SLC5A11: variants seen among roughly 807,000 people sequenced by gnomAD.
SLC5A11 encodes solute carrier family 5 member 11.
Under a neutral mutation model 69.8 loss-of-function variants are expected in SLC5A11, and 48 were observed. The ratio of observed to expected loss-of-function variants is 0.69; its 90% CI spans 0.55 to 0.87. The LOEUF is 0.87. Among genes scored for constraint, SLC5A11 ranks in the 40% least tolerant of loss-of-function variants. The pLI, the probability that SLC5A11 is intolerant of heterozygous loss-of-function variation, is 0.00. For missense variants in SLC5A11, 784 were observed against 866.1 expected, an observed-to-expected ratio of 0.91 and a Z score of 1.19; for synonymous variants, 319 against 342.4, an observed-to-expected ratio of 0.93 and a Z score of 0.75.
At chr16:24,906,895 A>T in intron 11 of SLC5A11, 130 bp from the exon 13 acceptor site, 1 of 1,435,644 alleles carries the variant, frequency 7.0e-7, no homozygotes, top group South Asian at 1.3e-5. Flanking sequence ...CTCCCCAAGA[A>T]AGGCTACGTC....
chr16:24,863,357 C>T lies in SLC5A11; in HGVS notation c.207+685C>T, dbSNP rs148800526. On this transcript the variant is annotated intron_variant, in intron 3 of 15. Coordinates refer to ENST00000347898, the Ensembl canonical transcript of SLC5A11. Reference sequence around the variant, plus strand: ...TGGGACCTCATTTTCTCCCTATTCTCTTTCATCATTCAGTGGCCTAGCCCA... The same window carrying T: ...TGGGACCTCATTTTCTCCCTATTCTTTTTCATCATTCAGTGGCCTAGCCCA... Among the ~76,000 whole-genome samples, 1,101 of 152,108 alleles carry T rather than the reference C, an allele frequency of 7.2e-3. 9 individuals carry two copies. The highest frequency in any genetic ancestry group is 0.011 in the Non-Finnish European group (732 of 67,998).
intron 8 of SLC5A11, among the ~76,000 whole-genome samples, chr16:24,887,785 G>T (rs910640345): frequency 4.0e-5 from 6 of 151,892 alleles, no homozygotes; most frequent in Non-Finnish European, 7.4e-5. Context: ...TTTATATTTT[G>T]GGTTAAGAAA....
At chr16:24,846,569 A>T (rs1349945511) in intron 1 of SLC5A11, 131 bp downstream of exon 2, 1 of 152,344 alleles carries the variant, frequency 6.6e-6, no homozygotes, top group Non-Finnish European at 1.5e-5. Context: ...TCTGCAGAGA[A>T]AGCTTGTCAT....
At chr16:24,877,221 G>T (rs532747268) in intron 6 of SLC5A11, 37 bp from the exon 8 acceptor site, 2 of 1,608,682 alleles carry the variant, frequency 1.2e-6, no homozygotes, top group Non-Finnish European at 1.7e-6. Flanking sequence ...TCATTCATTC[G>T]TTCATTTGTT....
intron 3 of SLC5A11, among the ~76,000 whole-genome samples, chr16:24,863,027 T>C (rs1158054741): frequency 7.2e-6 from 1 of 138,090 alleles, no homozygotes; most frequent in African/African-American, 2.6e-5. Context: ...TTATATAATA[T>C]ATAATTTATA....
chr16:24,874,174 T>C (rs62032817), intron 5 of SLC5A11, among the ~76,000 whole-genome samples: 17,658 of 152,204 alleles, frequency 0.12, 1,023 homozygotes, highest in Non-Finnish European at 0.13. Context: ...TTAATTTTCA[T>C]TGCTATGCGG....
At chr16:24,857,292 A>T (rs956856994) in intron 1 of SLC5A11, among the ~76,000 whole-genome samples, 7 of 152,220 alleles carry the variant, frequency 4.6e-5, no homozygotes, top group African/African-American at 1.7e-4. Context: ...CCAAAGGCCA[A>T]CAGAGTGGAG....
At chr16:24,895,334 C>T (rs1196167359) in intron 9 of SLC5A11, among the ~76,000 whole-genome samples, 1 of 150,836 alleles carries the variant, frequency 6.6e-6, no homozygotes, top group Non-Finnish European at 1.5e-5. Context: ...ACTAAAAATA[C>T]AAAAATTAGC....
intron 9 of SLC5A11, among the ~76,000 whole-genome samples, chr16:24,891,427 A>G (rs979985201): frequency 6.7e-6 from 1 of 148,392 alleles, no homozygotes; most frequent in Non-Finnish European, 1.5e-5. Flanking sequence ...AGATCCTCCC[A>G]TGTCAGCCTC....
intron 3 of SLC5A11, among the ~76,000 whole-genome samples, chr16:24,868,395 C>T (rs975140673): frequency 9.9e-5 from 15 of 150,762 alleles, no homozygotes; most frequent in Admixed American, 5.3e-4. Context: ...CCCAGACCAT[C>T]CTGGCGAACA....
Position 24,875,571 on chromosome 16 carries a change from G to T in SLC5A11, c.373-56G>T, listed in dbSNP as rs981727030. ...CAGATGGGAAGGGCTTGTGTGGGGG[G>T]GTCACGTGCTGGTGGTGAAGTCCGC... On this transcript the variant is annotated intron_variant, in intron 5 of 15. Transcript: ENST00000347898. 5 of 1,406,612 alleles carry T rather than the reference G, an allele frequency of 3.6e-6. No homozygotes were observed. In the African/African-American group the frequency reaches 5.8e-5, roughly 16 times the overall value. 87.1% of individuals were successfully genotyped at this position (1,406,612 alleles called of 1,614,324 possible).
At chr16:24,884,125 G>C (rs753401374) in exon 8 of SLC5A11, 1 of 1,614,044 alleles carries the variant, frequency 6.2e-7, no homozygotes, top group South Asian at 1.1e-5. Flanking sequence ...CACCTTGATG[G>C]GCTACAGTAA....
chr16:24,869,767 C>T, intron 3 of SLC5A11, 134 bp from the exon 5 acceptor site: 1 of 610,520 alleles, frequency 1.6e-6, no homozygotes, highest in Non-Finnish European at 2.9e-6. Context: ...AACAAAAATG[C>T]CAGATAGGCT....
At chr16:24,856,597 C>CAAAAA (rs35867622) in intron 1 of SLC5A11, among the ~76,000 whole-genome samples, 87 of 88,718 alleles carry the variant, frequency 9.8e-4, no homozygotes, top group African/African-American at 9.9e-4. Flanking sequence ...ACTAAAAATA[C>CAAAAA]AAAAAAAAAA....
At chr16:24,880,276 A>G (rs1361320018) in intron 7 of SLC5A11, among the ~76,000 whole-genome samples, 1 of 152,196 alleles carries the variant, frequency 6.6e-6, no homozygotes, top group Non-Finnish European at 1.5e-5. Flanking sequence ...AGGGGAAGTA[A>G]GCACGTCCTA....
intron 3 of SLC5A11, among the ~76,000 whole-genome samples, chr16:24,862,897 T>TATATATTTATATAA (rs1242405408): frequency 2.1e-5 from 3 of 144,486 alleles, no homozygotes; most frequent in African/African-American, 5.1e-5. Flanking sequence ...GTTTTAAAAA[T>TATATATTTATATAA]ATATATTTAT....
At chr16:24,910,118 G>T (rs1447714156) in intron 14 of SLC5A11, among the ~76,000 whole-genome samples, 188 bp from the exon 16 acceptor site, 1 of 130,228 alleles carries the variant, frequency 7.7e-6, no homozygotes, top group African/African-American at 2.8e-5. Flanking sequence ...ATGAGCAGGG[G>T]AATTGTGCGC....
intron 7 of SLC5A11, among the ~76,000 whole-genome samples, chr16:24,881,817 C>T (rs912483625): frequency 1.3e-5 from 2 of 148,476 alleles, no homozygotes; most frequent in African/African-American, 2.4e-5. Context: ...AATGGCACCC[C>T]GTGGCACTGT....
chr16:24,905,835 GATA>G (rs2050019742), intron 10 of SLC5A11, among the ~76,000 whole-genome samples: 2 of 126,910 alleles, frequency 1.6e-5, no homozygotes, highest in South Asian at 5.0e-4. Flanking sequence ...TTGAAATAGG[GATA>G]ATAACAGTAT....
Sources: gnomAD v4.1 joint callset for allele counts (sites outside exome capture counted in the v4.1 genomes callset) on GRCh38, gnomAD v4.1.1 for gene constraint, MANE v1.5 for transcripts, NCBI Gene and HGNC (gene_info 2026-07-23, HGNC 2026-07-21) for gene names.